COL4A4: variants seen among roughly 807,000 people sequenced by gnomAD.
The protein encoded by COL4A4 is collagen type IV alpha 4 chain, also known as collagen alpha-4(IV) chain.
A neutral mutation model predicts 192.9 loss-of-function variants in COL4A4; 105 were observed. The observed-to-expected ratio is 0.54, with a 90% CI of 0.46 to 0.64. COL4A4 has a LOEUF of 0.64. Among genes scored for constraint, COL4A4 ranks in the 30% least tolerant of loss-of-function variants. COL4A4 has a pLI of 0.00. For synonymous variants in COL4A4, 762 were observed against 769.9 expected (o/e 0.99, Z 0.17); for missense variants, 1,967 against 2,169.3 (o/e 0.91, Z 1.85).
chr2:227,161,928 C>T (rs2064867955), intron 1 of COL4A4, among the ~76,000 whole-genome samples: 1 of 150,722 alleles, frequency 6.6e-6, no homozygotes, highest in African/African-American at 2.4e-5. Context: ...ACCTATTTTC[C>T]TTTGTACAAA....
intron 4 of COL4A4, among the ~76,000 whole-genome samples, chr2:227,130,310 G>T (rs2062365999): frequency 6.6e-6 from 1 of 152,218 alleles, no homozygotes; most frequent in South Asian, 2.1e-4. Flanking sequence ...AGGAGACATG[G>T]CTTTGCCACT....
intron 37 of COL4A4, among the ~76,000 whole-genome samples, chr2:227,041,046 A>G (rs575016252): frequency 1.2e-3 from 177 of 152,322 alleles, no homozygotes; most frequent in African/African-American, 4.0e-3. Flanking sequence ...AATTCAACCC[A>G]GAAAAAATTA....
At chr2:226,972,313 T>TA in the COL4A4 span, among the ~76,000 whole-genome samples, 1 of 152,202 alleles carries the variant, frequency 6.6e-6, no homozygotes, top group Admixed American at 6.5e-5. Flanking sequence ...CACATTTTCT[T>TA]TATCCAGTCA....
At chr2:227,097,823 C>CAG (rs372517857) in intron 19 of COL4A4, among the ~76,000 whole-genome samples, 209 of 152,308 alleles carry the variant, frequency 1.4e-3, no homozygotes, top group African/African-American at 4.8e-3. Flanking sequence ...TTGTAGTTAG[C>CAG]AGTTGAATAT....
At chr2:227,060,113 A>AAAAAAAAAAAAAAAAAAAAAC in intron 27 of COL4A4, 23 bp downstream of exon 27, 1 of 1,269,948 alleles carries the variant, frequency 7.9e-7, no homozygotes, top group South Asian at 1.3e-5. Flanking sequence ...AAAAAAAAAA[A>AAAAAAAAAAAAAAAAAAAAAC]AAAAAAAAAA....
intron 19 of COL4A4, among the ~76,000 whole-genome samples, chr2:227,095,192 T>C (rs1480434385): frequency 6.6e-6 from 1 of 152,208 alleles, no homozygotes; most frequent in Admixed American, 6.5e-5. Context: ...TCTACCTTGA[T>C]AACTTGGTAA....
At chr2:227,055,591 G>C (rs1975136378) in intron 30 of COL4A4, among the ~76,000 whole-genome samples, 1 of 152,090 alleles carries the variant, frequency 6.6e-6, no homozygotes, top group African/African-American at 2.4e-5. Context: ...CTGAAGTGTG[G>C]GCCCTGATGT....
intron 33 of COL4A4, among the ~76,000 whole-genome samples, 154 bp from the exon 34 acceptor site, chr2:227,050,285 T>C (rs991990375): frequency 3.9e-5 from 6 of 152,318 alleles, no homozygotes; most frequent in African/African-American, 1.2e-4. Context: ...TCCCACTACA[T>C]GTATCTAGTT....
At chr2:227,041,834 A>AAAAG (rs1971217528) in intron 37 of COL4A4, among the ~76,000 whole-genome samples, 1 of 41,822 alleles carries the variant, frequency 2.4e-5, no homozygotes. Flanking sequence ...GAAAGAAAGA[A>AAAAG]AGAAAGAAAG....
At chr2:227,016,651 C>T (rs1383733377) in intron 44 of COL4A4, among the ~76,000 whole-genome samples, 3 of 152,170 alleles carry the variant, frequency 2.0e-5, no homozygotes, top group East Asian at 1.9e-4. Context: ...ATTGTAAAGT[C>T]ACGTCCTCAT....
intron 1 of COL4A4, among the ~76,000 whole-genome samples, chr2:227,159,390 T>A (rs993187236): frequency 6.6e-6 from 1 of 152,222 alleles, no homozygotes; most frequent in African/African-American, 2.4e-5. Context: ...TGCAGCTTGA[T>A]GGGCAGTGGT....
chr2:226,989,541 G>C, the COL4A4 span, among the ~76,000 whole-genome samples: 1 of 152,170 alleles, frequency 6.6e-6, no homozygotes, highest in African/African-American at 2.4e-5. Context: ...AGGGGTAGGG[G>C]AGCAGTAAAC....
intron 47 of COL4A4, 33 bp from the exon 48 acceptor site, chr2:227,007,621 G>A: frequency 6.2e-7 from 1 of 1,611,950 alleles, no homozygotes; most frequent in Non-Finnish European, 8.5e-7. Context: ...TTAGGGCTCA[G>A]ACACACACAG....
the COL4A4 span, among the ~76,000 whole-genome samples, chr2:226,971,797 T>G: frequency 6.7e-6 from 1 of 149,994 alleles, no homozygotes; most frequent in Non-Finnish European, 1.5e-5. Flanking sequence ...TGAGATATGA[T>G]TTTTTTTTTA....
At chr2:227,102,345 A>G (rs902427067) in intron 15 of COL4A4, among the ~76,000 whole-genome samples, 5 of 152,230 alleles carry the variant, frequency 3.3e-5, no homozygotes, top group African/African-American at 1.2e-4. Flanking sequence ...AATAAACTCA[A>G]TGCCCATGCC....
At chr2:227,063,549 GAT>G (rs1246234632) in intron 25 of COL4A4, among the ~76,000 whole-genome samples, 3 of 151,798 alleles carry the variant, frequency 2.0e-5, no homozygotes, top group Admixed American at 6.6e-5. Context: ...TGTAGTTCAA[GAT>G]ATATATATAA....
the COL4A4 span, among the ~76,000 whole-genome samples, chr2:226,973,796 A>G: frequency 6.6e-6 from 1 of 152,220 alleles, no homozygotes; most frequent in South Asian, 2.1e-4. Context: ...AGTAGGTCGT[A>G]TCTTTCTTGC....
intron 44 of COL4A4, among the ~76,000 whole-genome samples, chr2:227,019,033 C>A (rs1965479807): frequency 6.6e-6 from 1 of 152,240 alleles, no homozygotes; most frequent in Non-Finnish European, 1.5e-5. Flanking sequence ...AAAGCCACCA[C>A]AGTGGGTGAC....
intron 4 of COL4A4, among the ~76,000 whole-genome samples, chr2:227,124,393 C>A (rs1404338844): frequency 1.3e-5 from 2 of 152,206 alleles, no homozygotes; most frequent in Non-Finnish European, 2.9e-5. Context: ...AGATTAGTTA[C>A]CACTTCTTGC....
Sources: allele counts gnomAD v4.1 joint callset (sites outside exome capture counted in the v4.1 genomes callset), GRCh38; gene constraint gnomAD v4.1.1; transcripts MANE v1.5; gene names NCBI Gene and HGNC (gene_info 2026-07-23, HGNC 2026-07-21).